The following HLCS variants were observed in gnomAD, a reference collection of about 807,000 sequenced individuals.
HLCS encodes holocarboxylase synthetase.
HLCS carries 53 observed loss-of-function variants against 75.0 expected under a neutral mutation model. The ratio of observed to expected loss-of-function variants is 0.71; its 90% CI spans 0.57 to 0.89. HLCS has a LOEUF of 0.89. HLCS is among the 40% of genes least tolerant of loss of function. The pLI, the probability that HLCS is intolerant of heterozygous loss-of-function variation, is 0.00. For missense variants in HLCS, 966 were observed against 1,074.0 expected, an observed-to-expected ratio of 0.90 and a Z score of 1.41; for synonymous variants, 431 against 428.6, an observed-to-expected ratio of 1.01 and a Z score of -0.07.
Position 36,917,605 on chromosome 21 carries a change from C to T in HLCS, c.1620+12646G>A, listed in dbSNP as rs749404329. Among the ~76,000 whole-genome samples the T allele has an allele frequency of 8.5e-5, 13 of 152,094 alleles. 1 individual carries two copies. Among genetic ancestry groups the T allele is most frequent in the Admixed American group, 6.6e-5 (1 of 15,264 alleles). ...CATACCTGGCTGTAAGGGCTACAGC[C>T]GTAAGCATGCTTGGTGACTGGAGGC... On this transcript the variant is annotated intron_variant, in intron 5 of 10. Coordinates refer to ENST00000674895, the MANE Select transcript of HLCS (RefSeq NM_001352514.2).
chr21:36,904,782 G>A (rs1461991427), intron 5 of HLCS, among the ~76,000 whole-genome samples: 2 of 152,152 alleles, frequency 1.3e-5, no homozygotes, highest in Admixed American at 1.3e-4. Flanking sequence ...TATGACTTGA[G>A]AGTTGCATAT....
intron 5 of HLCS, among the ~76,000 whole-genome samples, chr21:36,925,149 C>T (rs2146468115): frequency 6.6e-6 from 1 of 152,210 alleles, no homozygotes; most frequent in East Asian, 1.9e-4. Flanking sequence ...TAACTAGTTT[C>T]TGTTTTTAAG....
At chr21:36,819,279 C>T (rs572453886) in intron 6 of HLCS, among the ~76,000 whole-genome samples, 6 of 152,306 alleles carry the variant, frequency 3.9e-5, no homozygotes, top group African/African-American at 1.4e-4. Flanking sequence ...ACATCAGGTC[C>T]AGCAGAAGGG....
chr21:36,976,174 A>G (rs1204336733), intron 1 of HLCS, among the ~76,000 whole-genome samples: 1 of 152,194 alleles, frequency 6.6e-6, no homozygotes, highest in Non-Finnish European at 1.5e-5. Flanking sequence ...CACCACTGCC[A>G]GCCCTGACAG....
intron 8 of HLCS, among the ~76,000 whole-genome samples, chr21:36,763,741 A>G (rs2089934538): frequency 6.6e-6 from 1 of 152,212 alleles, no homozygotes; most frequent in African/African-American, 2.4e-5. Flanking sequence ...AAATTCTTCC[A>G]GGAACATTTG....
chr21:36,798,811 C>T lies in HLCS; in HGVS notation c.1893-31526G>A, dbSNP rs1173899145. On this transcript the variant is annotated intron_variant, in intron 6 of 10. Transcript: ENST00000674895. ...GTGACACTGAGCATTTTCTCATGTG[C>T]CTTTAGGAATTTATAAATTTTCTTT... 2.6e-5 allele frequency among the ~76,000 whole-genome samples: 4 copies of T among 152,092 alleles called. No homozygotes were observed. The South Asian group carries it at 6.2e-4, about 24-fold the overall frequency.
chr21:36,803,892 C>T (rs1403453265), intron 6 of HLCS: 1 of 152,148 alleles, frequency 6.6e-6, no homozygotes, highest in African/African-American at 2.4e-5. Flanking sequence ...TGTGCACACA[C>T]ACATACACAC....
Position 36,937,402 on chromosome 21 carries a change from G to A in HLCS, c.494-10C>T. 6.2e-7 allele frequency: 1 copy of A among 1,605,152 alleles called. No homozygotes were observed. On this transcript the variant is annotated splice_polypyrimidine_tract_variant and intron_variant, in intron 3 of 10. Coordinates refer to ENST00000674895, the MANE Select transcript of HLCS (RefSeq NM_001352514.2). ...TCCTGCAAGTGCACCGCTAAGGCAT[G>A]AATAGGAGAGAGAGACAGAAAATTA...
intron 1 of HLCS, among the ~76,000 whole-genome samples, chr21:36,988,881 TC>T (rs1256179591): frequency 6.6e-6 from 1 of 152,190 alleles, no homozygotes; most frequent in East Asian, 1.9e-4. Flanking sequence ...GGTCTTTGCT[TC>T]CCTCAATGTT....
chr21:36,874,535 T>C (rs995691866), intron 6 of HLCS, among the ~76,000 whole-genome samples: 1 of 152,280 alleles, frequency 6.6e-6, no homozygotes, highest in African/African-American at 2.4e-5. Flanking sequence ...GCTTTGATTA[T>C]TGTCATTTTA....
intron 6 of HLCS, among the ~76,000 whole-genome samples, chr21:36,883,030 G>T (rs909371307): frequency 6.6e-6 from 1 of 152,128 alleles, no homozygotes; most frequent in African/African-American, 2.4e-5. Flanking sequence ...AAATGAAAAT[G>T]ATGAATGACT....
intron 6 of HLCS, among the ~76,000 whole-genome samples, chr21:36,869,730 C>T (rs1313639700): frequency 6.6e-6 from 1 of 152,074 alleles, no homozygotes; most frequent in Non-Finnish European, 1.5e-5. Flanking sequence ...ATACCATATC[C>T]TTATTTTGTT....
At chr21:36,912,340 CA>C (rs2065755198) in intron 5 of HLCS, among the ~76,000 whole-genome samples, 1 of 149,118 alleles carries the variant, frequency 6.7e-6, no homozygotes, top group African/African-American at 2.5e-5. Flanking sequence ...CATGTTATAA[CA>C]TGGATGGACC....
In HLCS at chr21:36,770,141, CTT is replaced by C. The variant is rs902358188; in HGVS notation, c.1893-2858_1893-2857del. On this transcript the variant is annotated intron_variant, in intron 6 of 10. Transcript: ENST00000674895. ...AAAGCAGCATACAAAACTATAGATG[CTT>C]TTTTTTTTTTTTTTTTTTTTGAGAT... Among the ~76,000 whole-genome samples the C allele has an allele frequency of 4.3e-3, 441 of 103,570 alleles. 1 individual carries two copies. The highest frequency in any genetic ancestry group is 0.029 in the East Asian group (112 of 3,922). The allele number at this position is 103,570 out of a possible 152,430, so 67.9% of individuals were successfully genotyped here. A position where few individuals can be genotyped will look rare whatever the true frequency, so the allele number is the denominator to read the frequency against.
intron 6 of HLCS, among the ~76,000 whole-genome samples, chr21:36,803,026 G>A (rs1316365565): frequency 1.3e-5 from 2 of 152,154 alleles, no homozygotes; most frequent in Admixed American, 1.3e-4. Flanking sequence ...GGGCGATCAG[G>A]GTCCAGTTCC....
chr21:36,799,256 A>G (rs2061123654), intron 6 of HLCS, among the ~76,000 whole-genome samples: 1 of 152,200 alleles, frequency 6.6e-6, no homozygotes, highest in Non-Finnish European at 1.5e-5. Flanking sequence ...TTCAAGTACC[A>G]TTTATTGAAA....
At chr21:36,788,891 T>G (rs2060777046) in intron 6 of HLCS, among the ~76,000 whole-genome samples, 1 of 152,274 alleles carries the variant, frequency 6.6e-6, no homozygotes, top group Non-Finnish European at 1.5e-5. Context: ...GCAGAAAGAT[T>G]AGGAATACAT....
At chr21:36,866,146 A>G (rs1475739208) in intron 6 of HLCS, among the ~76,000 whole-genome samples, 1 of 5,000 alleles carries the variant, frequency 2.0e-4, no homozygotes, top group Non-Finnish European at 3.6e-4. Flanking sequence ...TTCAATCTGG[A>G]CCAAATTAGT....
intron 4 of HLCS, among the ~76,000 whole-genome samples, chr21:36,935,235 T>G (rs2066825917): frequency 6.6e-6 from 1 of 152,228 alleles, no homozygotes; most frequent in Non-Finnish European, 1.5e-5. Flanking sequence ...GGAACATTTA[T>G]TACGCCTCCA....
Sources: allele counts gnomAD v4.1 joint callset (sites outside exome capture counted in the v4.1 genomes callset), GRCh38; gene constraint gnomAD v4.1.1; transcripts MANE v1.5; gene names NCBI Gene and HGNC (gene_info 2026-07-23, HGNC 2026-07-21).